MEI4: variants seen among roughly 807,000 people sequenced by gnomAD.
MEI4 encodes meiosis-specific protein MEI4.
MEI4 carries 27 observed loss-of-function variants against 31.4 expected under a neutral mutation model. The ratio of observed to expected loss-of-function variants is 0.86; its 90% CI spans 0.63 to 1.19. The LOEUF is 1.19. MEI4 is among the 50% of genes most tolerant of loss of function. MEI4 has a pLI of 0.00. For synonymous variants in MEI4, 122 were observed against 145.4 expected, an observed-to-expected ratio of 0.84 and a Z score of 1.16; for missense variants, 329 against 398.9, an observed-to-expected ratio of 0.82 and a Z score of 1.49.
chr6:77,805,893 A>G (rs1435191726), intron 3 of MEI4, among the ~76,000 whole-genome samples: 1 of 151,886 alleles, frequency 6.6e-6, no homozygotes, highest in Admixed American at 6.6e-5. Flanking sequence ...ATTAGAATGG[A>G]TTATTAGAGA....
upstream of MEI4, among the ~76,000 whole-genome samples, chr6:77,651,894 A>G (rs1768306343): frequency 6.6e-6 from 1 of 152,286 alleles, no homozygotes; most frequent in Admixed American, 6.5e-5. Flanking sequence ...CAGCTTTGCA[A>G]AAAACTGTTT....
chr6:77,822,262 T>C (rs1476145018), intron 3 of MEI4, among the ~76,000 whole-genome samples: 1 of 152,168 alleles, frequency 6.6e-6, no homozygotes, highest in African/African-American at 2.4e-5. Flanking sequence ...TAATTATTAC[T>C]TAAATTTCTA....
At chr6:77,784,524 A>G (rs746487687) in intron 3 of MEI4, among the ~76,000 whole-genome samples, 12 of 152,168 alleles carry the variant, frequency 7.9e-5, no homozygotes, top group Non-Finnish European at 1.6e-4. Flanking sequence ...AAGTCTATGA[A>G]CATGAGACTT....
intron 1 of MEI4, among the ~76,000 whole-genome samples, chr6:77,689,171 CTTT>C (rs1199583121): frequency 6.6e-6 from 1 of 151,916 alleles, no homozygotes; most frequent in Non-Finnish European, 1.5e-5. Context: ...TTTCTATTTA[CTTT>C]TTTTATCTTC....
At chr6:77,850,605 CT>C (rs1219800071) in intron 4 of MEI4, among the ~76,000 whole-genome samples, 1 of 152,178 alleles carries the variant, frequency 6.6e-6, no homozygotes, top group East Asian at 1.9e-4. Context: ...GAAACTGGAT[CT>C]TTTCCTTACA....
chr6:77,864,822 T>A (rs1362307382), intron 4 of MEI4, among the ~76,000 whole-genome samples: 1 of 152,102 alleles, frequency 6.6e-6, no homozygotes, highest in African/African-American at 2.4e-5. Flanking sequence ...ATTGACCACA[T>A]AGGTGGAAGT....
At chr6:77,865,578 C>T (rs1771002897) in intron 4 of MEI4, among the ~76,000 whole-genome samples, 1 of 152,070 alleles carries the variant, frequency 6.6e-6, no homozygotes, top group Non-Finnish European at 1.5e-5. Flanking sequence ...GAAATTGAGG[C>T]AATAATTAAT....
intron 3 of MEI4, among the ~76,000 whole-genome samples, chr6:77,775,964 G>A (rs1768428159): frequency 6.6e-6 from 1 of 151,932 alleles, no homozygotes; most frequent in Admixed American, 6.6e-5. Flanking sequence ...ATTTTTTCAT[G>A]TTTGTTGACC....
chr6:77,727,309 C>T (rs948769944), intron 2 of MEI4, among the ~76,000 whole-genome samples: 47 of 152,148 alleles, frequency 3.1e-4, no homozygotes, highest in Non-Finnish European at 4.7e-4. Flanking sequence ...ATCTTCAGCG[C>T]TTTGGAGAAA....
chr6:77,815,998 T>A (rs1769680565), intron 3 of MEI4, among the ~76,000 whole-genome samples: 1 of 152,064 alleles, frequency 6.6e-6, no homozygotes, highest in Non-Finnish European at 1.5e-5. Flanking sequence ...AAAACGAATG[T>A]AAAATTCTTT....
At chr6:77,778,690 A>G (rs1768519826) in intron 3 of MEI4, among the ~76,000 whole-genome samples, 1 of 151,228 alleles carries the variant, frequency 6.6e-6, no homozygotes. Flanking sequence ...ACAGAGCGAG[A>G]CCTGAGACCC....
At chr6:77,674,777 T>C (rs1424555101) in intron 1 of MEI4, among the ~76,000 whole-genome samples, 4 of 152,084 alleles carry the variant, frequency 2.6e-5, no homozygotes, top group Admixed American at 2.6e-4. Context: ...ACAGAACAAA[T>C]TTCTCCTTTT....
In MEI4 at chr6:77,709,994, C is replaced by A. The variant is rs146881513; in HGVS notation, c.232+19091C>A. Among the ~76,000 whole-genome samples, 1,060 of 152,216 alleles carry A rather than the reference C, an allele frequency of 7.0e-3. 13 individuals are homozygous for A. The highest frequency in any genetic ancestry group is 0.024 in the African/African-American group (1,000 of 41,534). On this transcript the variant is annotated intron_variant, in intron 2 of 4. Transcript: ENST00000684080. ...CTGCTTTATGTGGCTGTGCAGCTCT[C>A]TGTTGTCTGCTAGGGTGAGAGATAC...
intron 4 of MEI4, among the ~76,000 whole-genome samples, chr6:77,871,526 CAG>C (rs891074903): frequency 1.9e-4 from 29 of 151,902 alleles, no homozygotes; most frequent in African/African-American, 6.5e-4. Context: ...ATGGGAATAA[CAG>C]ACACTGGAGA....
chr6:77,786,947 C>T (rs1768751876), intron 3 of MEI4, among the ~76,000 whole-genome samples: 1 of 152,094 alleles, frequency 6.6e-6, no homozygotes, highest in African/African-American at 2.4e-5. Context: ...GAAAGCAGTC[C>T]TGCCTGCACA....
At chr6:77,672,443 T>G (rs1424699834) in intron 1 of MEI4, among the ~76,000 whole-genome samples, 2 of 152,256 alleles carry the variant, frequency 1.3e-5, no homozygotes, top group African/African-American at 4.8e-5. Flanking sequence ...AGAAGAATGC[T>G]ATAAATCTAT....
intron 4 of MEI4, among the ~76,000 whole-genome samples, chr6:77,872,186 T>G (rs1771211742): frequency 6.6e-6 from 1 of 152,142 alleles, no homozygotes; most frequent in Non-Finnish European, 1.5e-5. Context: ...CAGAATAGGA[T>G]TTTTTGTTTT....
chr6:77,920,251 C>T (rs1209720171), intron 4 of MEI4, among the ~76,000 whole-genome samples: 7 of 151,984 alleles, frequency 4.6e-5, no homozygotes, highest in East Asian at 3.9e-4. Flanking sequence ...AAATCCTCAA[C>T]AAAATTCTGG....
intron 2 of MEI4, among the ~76,000 whole-genome samples, chr6:77,749,263 G>T (rs1582099163): frequency 6.6e-6 from 1 of 152,130 alleles, no homozygotes; most frequent in Admixed American, 6.5e-5. Context: ...ACTGAACAGA[G>T]AATGGGTTTG....
Sources: gnomAD v4.1 joint callset for allele counts (sites outside exome capture counted in the v4.1 genomes callset) on GRCh38, gnomAD v4.1.1 for gene constraint, MANE v1.5 for transcripts, NCBI Gene and HGNC (gene_info 2026-07-23, HGNC 2026-07-21) for gene names.